Variants in FHIT observed in about 807,000 individuals in gnomAD.
FHIT encodes bis(5'-adenosyl)-triphosphatase.
FHIT carries 19 observed loss-of-function variants against 17.9 expected under a neutral mutation model. The observed-to-expected ratio is 1.06, with a 90% CI of 0.74 to 1.56. The LOEUF (loss-of-function observed/expected upper bound fraction) is 1.56. Among genes scored for constraint, FHIT ranks in the 40% most tolerant of loss-of-function variants. FHIT has a pLI of 0.00. For synonymous variants in FHIT, 81 were observed against 69.7 expected, an observed-to-expected ratio of 1.16 and a Z score of -0.81; for missense variants, 248 against 189.2, an observed-to-expected ratio of 1.31 and a Z score of -1.82.
chr3:60,989,187 G>T (rs56798894), intron 3 of FHIT, among the ~76,000 whole-genome samples: 3 of 152,090 alleles, frequency 2.0e-5, no homozygotes, highest in African/African-American at 7.2e-5. Flanking sequence ...TTTTTAGGCA[G>T]AGTCTTGCTG....
chr3:60,423,052 T>C (rs1471996172), intron 5 of FHIT, among the ~76,000 whole-genome samples: 2 of 152,196 alleles, frequency 1.3e-5, no homozygotes, highest in African/African-American at 4.8e-5. Context: ...AATATGGTTA[T>C]AGAAGTTCTC....
At chr3:60,805,186 T>C (rs572843021) in intron 4 of FHIT, among the ~76,000 whole-genome samples, 54 of 152,318 alleles carry the variant, frequency 3.5e-4, no homozygotes, top group South Asian at 1.2e-3. Context: ...GTATTTAACT[T>C]GTCATCAACT....
At chr3:60,595,511 A>G (rs13060457) in intron 4 of FHIT, among the ~76,000 whole-genome samples, 4 of 101,812 alleles carry the variant, frequency 3.9e-5, no homozygotes, top group Non-Finnish European at 5.8e-5. Context: ...GTGTGTGTGT[A>G]TATATATATG....
At chr3:59,750,486 T>G (rs1015058297) in intron 9 of FHIT, 3 of 224,330 alleles carry the variant, frequency 1.3e-5, no homozygotes, top group Non-Finnish European at 2.7e-5. Flanking sequence ...TTAGGTAAAC[T>G]AAACTAGCTT....
chr3:60,150,060 A>G (rs930779198), intron 5 of FHIT, among the ~76,000 whole-genome samples: 18 of 130,744 alleles, frequency 1.4e-4, no homozygotes, highest in African/African-American at 5.1e-4. Context: ...CAGTGGCGCA[A>G]TCTCAGCTCA....
intron 5 of FHIT, among the ~76,000 whole-genome samples, chr3:60,492,893 T>C (rs2034127907): frequency 6.6e-6 from 1 of 152,208 alleles, no homozygotes. Flanking sequence ...CTATCTTCTG[T>C]TGCTTCACTG....
At chr3:60,749,617 G>C (rs1340964503) in intron 4 of FHIT, among the ~76,000 whole-genome samples, 1 of 152,200 alleles carries the variant, frequency 6.6e-6, no homozygotes, top group Non-Finnish European at 1.5e-5. Context: ...AAGGAAGCCA[G>C]TCAGGAGAAA....
chr3:60,593,097 T>C (rs2038145191), intron 4 of FHIT, among the ~76,000 whole-genome samples: 1 of 152,108 alleles, frequency 6.6e-6, no homozygotes, highest in Non-Finnish European at 1.5e-5. Flanking sequence ...GGGGAAAATG[T>C]GGGCTTTCAT....
intron 3 of FHIT, among the ~76,000 whole-genome samples, chr3:61,023,438 A>G (rs1357597875): frequency 1.3e-5 from 2 of 152,184 alleles, no homozygotes; most frequent in African/African-American, 2.4e-5. Flanking sequence ...TTATAGATTC[A>G]ATGCCATCCC....
At chr3:60,388,056 C>A (rs1701080388) in intron 5 of FHIT, among the ~76,000 whole-genome samples, 1 of 152,128 alleles carries the variant, frequency 6.6e-6, no homozygotes, top group Admixed American at 6.5e-5. Context: ...TCCTGAGGCC[C>A]TACCAGAAGC....
intron 8 of FHIT, among the ~76,000 whole-genome samples, chr3:59,845,917 GTTTACTA>G: frequency 6.6e-6 from 1 of 152,052 alleles, no homozygotes; most frequent in Admixed American, 6.5e-5. Flanking sequence ...CTCTGTTTTG[GTTTACTA>G]TTTACATGGA....
intron 5 of FHIT, among the ~76,000 whole-genome samples, chr3:60,325,818 C>T (rs147704288): frequency 1.6e-4 from 24 of 152,268 alleles, no homozygotes; most frequent in Admixed American, 2.6e-4. Context: ...GAAGGAGATT[C>T]GCTTTATAGG....
At chr3:60,029,878 A>AC (rs879638661) in intron 5 of FHIT, among the ~76,000 whole-genome samples, 8,769 of 46,478 alleles carry the variant, frequency 0.19, 358 homozygotes, top group South Asian at 0.23. Context: ...TCATAGAAGC[A>AC]TTGTGTGTGT....
At chr3:60,142,626 C>G (rs1297436324) in intron 5 of FHIT, among the ~76,000 whole-genome samples, 2 of 151,918 alleles carry the variant, frequency 1.3e-5, no homozygotes, top group Admixed American at 1.3e-4. Context: ...CTCAGCCACC[C>G]AAGTAGCTGG....
intron 3 of FHIT, among the ~76,000 whole-genome samples, chr3:61,018,523 T>A (rs1219975430): frequency 1.3e-5 from 2 of 152,122 alleles, no homozygotes; most frequent in Admixed American, 1.3e-4. Context: ...GAAACAAAAC[T>A]CTCTGTAGTT....
chr3:60,041,223 G>A (rs993837571), intron 5 of FHIT, among the ~76,000 whole-genome samples: 2 of 152,156 alleles, frequency 1.3e-5, no homozygotes, highest in Non-Finnish European at 2.9e-5. Flanking sequence ...AGATCCAACT[G>A]CTCCTCAGAC....
intron 3 of FHIT, among the ~76,000 whole-genome samples, chr3:60,937,454 A>C (rs545004936): frequency 2.0e-5 from 3 of 152,248 alleles, no homozygotes; most frequent in African/African-American, 7.2e-5. Context: ...ATCAAAATAC[A>C]GTGAAATGCT....
intron 4 of FHIT, among the ~76,000 whole-genome samples, chr3:60,805,736 T>A (rs1220481646): frequency 2.0e-5 from 3 of 151,932 alleles, no homozygotes; most frequent in African/African-American, 7.3e-5. Flanking sequence ...TGTTTTTGTA[T>A]TTTTGGTAGA....
At chr3:60,621,425 A>G (rs2039126325) in intron 4 of FHIT, among the ~76,000 whole-genome samples, 2 of 152,050 alleles carry the variant, frequency 1.3e-5, no homozygotes, top group Admixed American at 6.5e-5. Context: ...CTGGGATTAC[A>G]GCCACTAGCT....
Sources: allele counts gnomAD v4.1 joint callset (sites outside exome capture counted in the v4.1 genomes callset), GRCh38; gene constraint gnomAD v4.1.1; transcripts MANE v1.5; gene names NCBI Gene and HGNC (gene_info 2026-07-23, HGNC 2026-07-21).